The following IMMP2L variants were observed in gnomAD, a reference collection of about 807,000 sequenced individuals.
IMMP2L encodes the protein inner mitochondrial membrane peptidase subunit 2.
In IMMP2L, 18 loss-of-function variants were observed where a neutral mutation model predicts 19.3. The observed-to-expected ratio is 0.93, with a 90% CI of 0.64 to 1.38. IMMP2L has a LOEUF of 1.38. Among genes scored for constraint, IMMP2L ranks in the 40% most tolerant of loss-of-function variants. The probability of loss-of-function intolerance (pLI) is 0.00; values close to 1 mark genes in which losing one functional copy is unlikely to be tolerated. For missense variants in IMMP2L, 233 were observed against 218.2 expected (o/e 1.07, Z -0.43); for synonymous variants, 76 against 73.0 (o/e 1.04, Z -0.21).
chr7:110,900,764 T>G (rs577288591), intron 4 of IMMP2L, among the ~76,000 whole-genome samples: 50 of 152,290 alleles, frequency 3.3e-4, no homozygotes, highest in African/African-American at 1.2e-3. Context: ...GTAGCATCCA[T>G]TTTGCTATTG....
chr7:110,864,130 C>T (rs558586871), intron 5 of IMMP2L, among the ~76,000 whole-genome samples: 3 of 152,070 alleles, frequency 2.0e-5, no homozygotes, highest in South Asian at 2.1e-4. Flanking sequence ...TTGAAAGACC[C>T]GTTCCATGTT....
chr7:111,441,080 T>A (rs1837663725), intron 3 of IMMP2L, among the ~76,000 whole-genome samples: 1 of 151,940 alleles, frequency 6.6e-6, no homozygotes, highest in Non-Finnish European at 1.5e-5. Context: ...GAGAATTTTG[T>A]GGCTTAATCT....
At chr7:111,525,694 G>A (rs113643110) in intron 1 of IMMP2L, among the ~76,000 whole-genome samples, 4 of 152,168 alleles carry the variant, frequency 2.6e-5, no homozygotes, top group African/African-American at 9.6e-5. Context: ...GTGTCAAGGG[G>A]CCGTGGTAGC....
chr7:110,827,816 G>A (rs1007636672), intron 5 of IMMP2L, among the ~76,000 whole-genome samples: 2 of 152,056 alleles, frequency 1.3e-5, no homozygotes, highest in African/African-American at 4.8e-5. Context: ...TTTGAATAAA[G>A]ACATACTAAT....
chr7:111,237,075 T>C (rs1814415924), intron 3 of IMMP2L, among the ~76,000 whole-genome samples: 1 of 152,038 alleles, frequency 6.6e-6, no homozygotes. Flanking sequence ...AATTTTCAAA[T>C]GGACAAAAAA....
chr7:110,870,499 G>C lies in IMMP2L; in HGVS notation c.408+16094C>G, dbSNP rs1456867291. ...TTGGAGGAGATAAAAATATAAACAT[G>C]AATAAAGAAATAAAACAAGATAGTC... On this transcript the variant is annotated intron_variant, in intron 5 of 5. Transcript: ENST00000405709. The surrounding 1 kb of genome is among the most constrained non-coding windows in gnomAD (Gnocchi z 4.2). 4.6e-5 allele frequency among the ~76,000 whole-genome samples: 7 copies of C among 152,054 alleles called. No individual in the cohort carries two copies. The highest frequency in any genetic ancestry group is 7.4e-5 in the Non-Finnish European group (5 of 67,994).
At chr7:111,443,331 A>T (rs1432717110) in intron 3 of IMMP2L, among the ~76,000 whole-genome samples, 1 of 152,174 alleles carries the variant, frequency 6.6e-6, no homozygotes, top group Non-Finnish European at 1.5e-5. Flanking sequence ...CTATCAAAGG[A>T]ACTTGCTACT....
intron 2 of IMMP2L, among the ~76,000 whole-genome samples, chr7:111,500,326 G>T (rs1047416255): frequency 2.0e-5 from 3 of 152,188 alleles, no homozygotes; most frequent in Non-Finnish European, 4.4e-5. Flanking sequence ...ACTACGCGGA[G>T]ACTACCACAG....
At chr7:111,293,874 G>A (rs1821365911) in intron 3 of IMMP2L, among the ~76,000 whole-genome samples, 1 of 151,818 alleles carries the variant, frequency 6.6e-6, no homozygotes, top group Non-Finnish European at 1.5e-5. Context: ...TGATACTCAG[G>A]AATACATAAA....
At position 111,148,139 on chromosome 7, in the gene IMMP2L, C is replaced by T. The variant is rs563968509; in HGVS notation, c.240-184574G>A. Among the ~76,000 whole-genome samples, 6 of 152,010 alleles carry T rather than the reference C, an allele frequency of 3.9e-5. No homozygotes were observed. In the South Asian group the frequency reaches 6.2e-4, roughly 16 times the overall value. ...ATCATCTGTTGAATGGATAATAAAA[C>T]GTGGTACATCTATACAATGGAATTT... On this transcript the variant is annotated intron_variant, in intron 3 of 5. Transcript: ENST00000405709.
rs567416172 is a variant in IMMP2L, at chr7:111,120,231, A to G, written c.240-156666T>C. ...ATTAATCCGTTCTCATGCTGCTAATAGAGACATATCCAAGACTGAGTAATT... is the reference window on the plus strand; with the variant it reads ...ATTAATCCGTTCTCATGCTGCTAATGGAGACATATCCAAGACTGAGTAATT... On this transcript the variant is annotated intron_variant, in intron 3 of 5. Transcript: ENST00000405709. Among the ~76,000 whole-genome samples the G allele has an allele frequency of 2.4e-4, 37 of 152,306 alleles. No individual in the cohort carries two copies. The South Asian group carries it at 5.4e-3, about 22-fold the overall frequency.
rs114790577 is a variant in IMMP2L at position 111,561,033 on chromosome 7, T to C, written c.-3+818A>G. On this transcript the variant is annotated intron_variant, in intron 1 of 5. Transcript: ENST00000405709. ...AATTTCAACTAATTTAAAACGGTTATTTATATGTGACATATAGGATGCATA... is the reference window on the plus strand; with the variant it reads ...AATTTCAACTAATTTAAAACGGTTACTTATATGTGACATATAGGATGCATA... Among the ~76,000 whole-genome samples the C allele has an allele frequency of 3.7e-3, 565 of 152,304 alleles. 3 individuals carry two copies. The highest frequency in any genetic ancestry group is 0.013 in the African/African-American group (527 of 41,560).
At chr7:111,476,465 C>T (rs1841734621) in intron 3 of IMMP2L, among the ~76,000 whole-genome samples, 3 of 152,194 alleles carry the variant, frequency 2.0e-5, no homozygotes, top group Non-Finnish European at 2.9e-5. Context: ...TAACAAATTA[C>T]AGCAAATTTG....
chr7:111,134,481 A>C (rs998086473), intron 3 of IMMP2L, among the ~76,000 whole-genome samples: 3 of 148,892 alleles, frequency 2.0e-5, no homozygotes, highest in Non-Finnish European at 1.5e-5. Flanking sequence ...AAGGTAGTCT[A>C]ATTTGGATTA....
chr7:110,788,357 C>T (rs561670070), intron 5 of IMMP2L, among the ~76,000 whole-genome samples: 9 of 151,984 alleles, frequency 5.9e-5, no homozygotes, highest in Admixed American at 5.9e-4. Flanking sequence ...GCACGTGATG[C>T]AGTGGATTTA....
intron 3 of IMMP2L, among the ~76,000 whole-genome samples, chr7:111,152,434 G>A (rs1479117660): frequency 1.3e-5 from 2 of 151,992 alleles, no homozygotes; most frequent in Non-Finnish European, 2.9e-5. Flanking sequence ...CTCTGTTACT[G>A]CACACATCAC....
intron 3 of IMMP2L, among the ~76,000 whole-genome samples, chr7:111,061,220 A>C (rs2129574463): frequency 6.6e-6 from 1 of 152,330 alleles, no homozygotes; most frequent in South Asian, 2.1e-4. Flanking sequence ...TAAGATTAAC[A>C]GACTGAAGAT....
chr7:111,057,621 T>C (rs2129574133), intron 3 of IMMP2L, among the ~76,000 whole-genome samples: 1 of 152,326 alleles, frequency 6.6e-6, no homozygotes, highest in East Asian at 1.9e-4. Flanking sequence ...AAACTGCCAG[T>C]GAAATCACAC....
chr7:110,825,390 G>C (rs1330586997), intron 5 of IMMP2L, among the ~76,000 whole-genome samples: 3 of 152,076 alleles, frequency 2.0e-5, no homozygotes, highest in Non-Finnish European at 2.9e-5. Flanking sequence ...TCAATCCTAA[G>C]CCAAAACAAC....
Sources: gnomAD v4.1 joint callset for allele counts (sites outside exome capture counted in the v4.1 genomes callset) on GRCh38, gnomAD v4.1.1 for gene constraint, Gnocchi (gnomAD v3.1) non-coding constraint, MANE v1.5 for transcripts, NCBI Gene and HGNC (gene_info 2026-07-23, HGNC 2026-07-21) for gene names.